The following OR3A2 variants were observed in gnomAD, a reference collection of about 807,000 sequenced individuals.
OR3A2 encodes the protein olfactory receptor 3A2.
For missense variants in OR3A2, 318 were observed against 392.8 expected (o/e 0.81, Z 1.61); for synonymous variants, 126 against 159.3 (o/e 0.79, Z 1.57).
chr17:3,296,501 T>C (rs2048919149), intron 3 of OR3A2, among the ~76,000 whole-genome samples: 1 of 152,116 alleles, frequency 6.6e-6, no homozygotes, highest in Non-Finnish European at 1.5e-5. Flanking sequence ...TCAAGAAATC[T>C]TTTATGGGTA....
chr17:3,282,216 C>T (rs1216975997), intron 1 of OR3A2, among the ~76,000 whole-genome samples: 1 of 152,112 alleles, frequency 6.6e-6, no homozygotes, highest in African/African-American at 2.4e-5. Context: ...AGATTGACAC[C>T]ATCCTGGCTA....
At chr17:3,288,213 C>A (rs1597319097), upstream of OR3A2, among the ~76,000 whole-genome samples, 2 of 73,100 alleles carry the variant, frequency 2.7e-5, no homozygotes, top group Non-Finnish European at 2.8e-5. Flanking sequence ...TTCTACCAAT[C>A]ATTTACAAAA....
intron 2 of OR3A2, among the ~76,000 whole-genome samples, chr17:3,355,889 C>T (rs2049462497): frequency 6.7e-6 from 1 of 150,356 alleles, no homozygotes; most frequent in African/African-American, 2.5e-5. Context: ...CTTTTCTTCC[C>T]TCCTTCCTTC....
chr17:3,369,222 CTTTA>C (rs968511431), intron 2 of OR3A2, among the ~76,000 whole-genome samples: 4 of 152,094 alleles, frequency 2.6e-5, no homozygotes, highest in African/African-American at 9.7e-5. Context: ...TTCAGATGCC[CTTTA>C]TTTCTTTCTC....
chr17:3,342,916 G>A (rs1282035010), intron 2 of OR3A2, among the ~76,000 whole-genome samples: 7 of 151,752 alleles, frequency 4.6e-5, no homozygotes, highest in South Asian at 4.1e-4. Flanking sequence ...GGCGGGCCTC[G>A]TTGGCTTCCT....
intron 3 of OR3A2, among the ~76,000 whole-genome samples, chr17:3,317,239 A>T (rs943178422): frequency 6.6e-6 from 1 of 152,212 alleles, no homozygotes; most frequent in Admixed American, 6.5e-5. Context: ...GCAATAAGTG[A>T]AACAGAAAGA....
At chr17:3,303,200 T>C (rs1028964772) in intron 3 of OR3A2, among the ~76,000 whole-genome samples, 29 of 152,200 alleles carry the variant, frequency 1.9e-4, no homozygotes, top group African/African-American at 6.5e-4. Flanking sequence ...ATACTTATAC[T>C]GAAGAGTAAA....
At chr17:3,384,272 T>C (rs775801956) in intron 1 of OR3A2, among the ~76,000 whole-genome samples, 2 of 152,198 alleles carry the variant, frequency 1.3e-5, no homozygotes, top group Non-Finnish European at 2.9e-5. Context: ...AATGAGTACA[T>C]TGTTTCTGAG....
At chr17:3,341,677 C>G (rs1269867463) in intron 2 of OR3A2, among the ~76,000 whole-genome samples, 1 of 152,212 alleles carries the variant, frequency 6.6e-6, no homozygotes, top group Non-Finnish European at 1.5e-5. Flanking sequence ...CCCGACCTTT[C>G]TCTCTGGCTG....
chr17:3,366,505 T>C (rs1280502366), intron 2 of OR3A2, among the ~76,000 whole-genome samples: 1 of 151,884 alleles, frequency 6.6e-6, no homozygotes, highest in Non-Finnish European at 1.5e-5. Context: ...TCACAAAGAG[T>C]TTTTAAAAAT....
At chr17:3,292,497 A>G in intron 3 of OR3A2, 1 of 1,613,770 alleles carries the variant, frequency 6.2e-7, no homozygotes, top group Non-Finnish European at 8.5e-7. Context: ...CACAAAGACA[A>G]CTGGCTGCAG....
At chr17:3,293,969 A>G (rs78529560) in intron 3 of OR3A2, among the ~76,000 whole-genome samples, 2,094 of 152,234 alleles carry the variant, frequency 0.014, 31 homozygotes, top group African/African-American at 0.047. Context: ...GAGGGTGGCC[A>G]GGGCGAGAAC....
At chr17:3,315,482 T>C (rs1428572013) in intron 3 of OR3A2, among the ~76,000 whole-genome samples, 1 of 152,204 alleles carries the variant, frequency 6.6e-6, no homozygotes, top group Non-Finnish European at 1.5e-5. Context: ...CACTTGTATG[T>C]CTTCTTTTGA....
At chr17:3,283,815 G>A (rs1402021762) in intron 1 of OR3A2, among the ~76,000 whole-genome samples, 1 of 151,296 alleles carries the variant, frequency 6.6e-6, no homozygotes, top group Non-Finnish European at 1.5e-5. Flanking sequence ...GTCATGGTCA[G>A]GGGTAGAAGA....
chr17:3,349,550 C>T (rs559990583), intron 2 of OR3A2, among the ~76,000 whole-genome samples: 1 of 152,294 alleles, frequency 6.6e-6, no homozygotes, highest in African/African-American at 2.4e-5. Context: ...GAGTGATCTA[C>T]AAAGAGACTT....
chr17:3,373,608 G>A (rs2049653035), intron 2 of OR3A2, among the ~76,000 whole-genome samples: 1 of 152,020 alleles, frequency 6.6e-6, no homozygotes, highest in Admixed American at 6.5e-5. Flanking sequence ...TATAAAAATA[G>A]CTACTCCTGC....
rs148670046 is a variant in OR3A2, at chr17:3,347,707, G to A, written c.-178-11581C>T. The stretch of plus-strand genomic sequence containing the variant: ...GTGAATAATGCCGCAATAAACATAC[G>A]TGTGCATGTGTCTTTATAGAAGCAT... On this transcript the variant is annotated intron_variant, in intron 2 of 4. Coordinates refer to the OR3A2 transcript ENST00000573491. 1.8e-3 allele frequency among the ~76,000 whole-genome samples: 271 copies of A among 152,260 alleles called. 1 individual carries two copies. Among genetic ancestry groups the A allele is most frequent in the African/African-American group, 5.8e-3 (242 of 41,542 alleles).
chr17:3,360,949 G>A (rs967358179), intron 2 of OR3A2, among the ~76,000 whole-genome samples: 5 of 151,502 alleles, frequency 3.3e-5, no homozygotes, highest in Admixed American at 3.3e-4. Context: ...TCCCAATTCT[G>A]TGAAGAAAGT....
At chr17:3,298,076 C>T (rs897981528) in intron 3 of OR3A2, among the ~76,000 whole-genome samples, 3 of 152,060 alleles carry the variant, frequency 2.0e-5, no homozygotes, top group Admixed American at 6.6e-5. Context: ...AATCCATTCA[C>T]GGAGATGTCT....
Sources: allele counts gnomAD v4.1 joint callset (sites outside exome capture counted in the v4.1 genomes callset), GRCh38; gene constraint gnomAD v4.1.1; transcripts MANE v1.5; gene names NCBI Gene and HGNC (gene_info 2026-07-23, HGNC 2026-07-21).